The following MSH3 variants were observed in gnomAD, a reference collection of about 807,000 sequenced individuals.
The protein encoded by MSH3 is DNA mismatch repair protein Msh3.
In MSH3, 106 loss-of-function variants were observed where a neutral mutation model predicts 123.3. The observed-to-expected ratio is 0.86, with a 90% confidence interval of 0.73 to 1.01. The LOEUF (loss-of-function observed/expected upper bound fraction) is 1.01, where lower values mean the gene tolerates loss of function less well. MSH3 is among the 50% of genes least tolerant of loss of function. MSH3 has a pLI of 0.00. For missense variants in MSH3, 1,459 were observed against 1,347.6 expected (o/e 1.08, Z -1.29); for synonymous variants, 515 against 481.4 (o/e 1.07, Z -0.91).
chr5:80,859,712 CTT>C (rs373044585), intron 21 of MSH3, among the ~76,000 whole-genome samples: 6 of 130,126 alleles, frequency 4.6e-5, no homozygotes, highest in Non-Finnish European at 6.6e-5. Context: ...CATTTTCTCT[CTT>C]TTTTTTTTTT....
chr5:80,857,657 G>A (rs2897298), intron 21 of MSH3, among the ~76,000 whole-genome samples: 15,787 of 152,120 alleles, frequency 0.1, 1,043 homozygotes, highest in East Asian at 0.24. Flanking sequence ...TTTTCACCAA[G>A]GTTACCAGAT....
At chr5:80,655,202 C>T in intron 1 of MSH3, 1 of 381,504 alleles carries the variant, frequency 2.6e-6, no homozygotes, top group Non-Finnish European at 4.6e-6. Context: ...TAATGGCAGG[C>T]CTGAGACAGG....
Position 80,712,505 on chromosome 5 carries a change from A to C in MSH3, c.1341-12948A>C, listed in dbSNP as rs115269365. Among the ~76,000 whole-genome samples, 1,416 of 152,094 alleles carry C rather than the reference A, an allele frequency of 9.3e-3. 8 individuals are homozygous for C. The highest frequency in any genetic ancestry group is 0.015 in the Non-Finnish European group (996 of 67,988). On this transcript the variant is annotated intron_variant, in intron 8 of 23. Coordinates refer to ENST00000265081, the MANE Select transcript of MSH3 (RefSeq NM_002439.5). ...ATTCACCTAATATATACCTCTAGGC[A>C]GTTGTTGTTTTTCAGCCATCTTTTT...
intron 12 of MSH3, among the ~76,000 whole-genome samples, chr5:80,756,431 C>T (rs1414375834): frequency 6.6e-6 from 1 of 152,128 alleles, no homozygotes; most frequent in East Asian, 1.9e-4. Context: ...TGACACTGTT[C>T]TTATGTGCAT....
intron 12 of MSH3, among the ~76,000 whole-genome samples, chr5:80,753,669 T>A (rs1462699894): frequency 6.6e-6 from 1 of 152,204 alleles, no homozygotes; most frequent in South Asian, 2.1e-4. Flanking sequence ...TCTAATGTTG[T>A]GAAAGTTAAT....
intron 10 of MSH3, among the ~76,000 whole-genome samples, chr5:80,733,044 A>T (rs73123307): frequency 0.11 from 16,377 of 152,162 alleles, 907 homozygotes; most frequent in South Asian, 0.14. Flanking sequence ...CATAGGATTC[A>T]TATCTCTGTT....
chr5:80,692,570 GTTTATATAGAGAGATAAACATGT>G (rs1346886219), intron 8 of MSH3, among the ~76,000 whole-genome samples: 4 of 128,016 alleles, frequency 3.1e-5, no homozygotes, highest in Non-Finnish European at 6.8e-5. Context: ...ACATGTATAT[GTTTATATAGAGAGATAAACATGT>G]ATATGTTTAT....
chr5:80,859,883 C>T (rs1745987004), intron 21 of MSH3, among the ~76,000 whole-genome samples: 1 of 151,732 alleles, frequency 6.6e-6, no homozygotes, highest in South Asian at 2.1e-4. Context: ...CAGCTATTTT[C>T]TCTCCTTTCT....
chr5:80,660,578 T>C (rs245102), intron 2 of MSH3, among the ~76,000 whole-genome samples: 147,159 of 152,326 alleles, frequency 0.97, 71,110 homozygotes, highest in East Asian at 1. Context: ...TAACTGTATA[T>C]TGGAAAAGTC....
At chr5:80,869,488 C>G (rs143531355) in intron 22 of MSH3, among the ~76,000 whole-genome samples, 1 of 152,114 alleles carries the variant, frequency 6.6e-6, no homozygotes, top group East Asian at 1.9e-4. Context: ...ACCAGCACCC[C>G]CAACCCCTCT....
chr5:80,677,450 T>C (rs1463907046), intron 7 of MSH3, among the ~76,000 whole-genome samples: 1 of 152,236 alleles, frequency 6.6e-6, no homozygotes, highest in Non-Finnish European at 1.5e-5. Context: ...CTTTAACATC[T>C]GTACCTGGTT....
intron 13 of MSH3, among the ~76,000 whole-genome samples, 168 bp from the exon 14 acceptor site, chr5:80,767,765 A>G (rs1372437601): frequency 6.6e-6 from 1 of 152,126 alleles, no homozygotes; most frequent in Admixed American, 6.5e-5. Flanking sequence ...AAAATATTAC[A>G]TAGTATTTAA....
chr5:80,768,046 C>T lies in MSH3; in HGVS notation c.2010C>T (p.Thr670=), dbSNP rs201724154. 3.8e-5 allele frequency: 61 copies of T among 1,613,714 alleles called. No individual in the cohort carries two copies. The African/African-American group carries it at 3.9e-4, about 10-fold the overall frequency. The part of the protein sequence containing the change: ...NSHIQSDLLR[T]VILEIPELLS... ...ACATTCAGTCAGACTTGCTCCGGAC[C>T]GTTATTTTAGAAATTCCTGAACTCC... The change falls in exon 14 of 24, where the codon ACC becomes ACT. Residue 670 remains threonine (T), a synonymous_variant. Coordinates refer to ENST00000265081, the MANE Select transcript of MSH3 (RefSeq NM_002439.5).
chr5:80,839,656 C>G (rs1476902334), intron 20 of MSH3, among the ~76,000 whole-genome samples: 2 of 152,146 alleles, frequency 1.3e-5, no homozygotes, highest in Non-Finnish European at 2.9e-5. Flanking sequence ...AAAGGGTCAC[C>G]ACATGACCAT....
chr5:80,729,430 A>AAAAATGTG (rs1491210653), intron 10 of MSH3, among the ~76,000 whole-genome samples: 1 of 78,376 alleles, frequency 1.3e-5, no homozygotes. Context: ...AAAAAAAAAA[A>AAAAATGTG]TGTGTGTGTG....
intron 19 of MSH3, among the ~76,000 whole-genome samples, chr5:80,796,151 T>C (rs1744695732): frequency 1.3e-5 from 2 of 152,174 alleles, no homozygotes; most frequent in African/African-American, 4.8e-5. Context: ...ACTGTTTCCC[T>C]GCCCATCTAC....
intron 8 of MSH3, among the ~76,000 whole-genome samples, chr5:80,712,885 T>C (rs1428030): frequency 0.13 from 19,113 of 152,056 alleles, 1,693 homozygotes; most frequent in East Asian, 0.33. Context: ...ATAAAATTAA[T>C]GAGTTTCATA....
chr5:80,802,068 A>G (rs549550143), intron 19 of MSH3, among the ~76,000 whole-genome samples: 4 of 152,360 alleles, frequency 2.6e-5, no homozygotes, highest in African/African-American at 9.6e-5. Flanking sequence ...CCATTTACAA[A>G]TAAGTGTTAG....
chr5:80,795,304 T>G (rs1031562974), intron 19 of MSH3, among the ~76,000 whole-genome samples: 2 of 152,182 alleles, frequency 1.3e-5, no homozygotes, highest in African/African-American at 2.4e-5. Flanking sequence ...ATGCATGTCT[T>G]AGTCTGTTCA....
Sources: allele counts gnomAD v4.1 joint callset (sites outside exome capture counted in the v4.1 genomes callset), GRCh38; gene constraint gnomAD v4.1.1; transcripts MANE v1.5; gene names NCBI Gene and HGNC (gene_info 2026-07-23, HGNC 2026-07-21).